SLC6A12: variants seen among roughly 807,000 people sequenced by gnomAD.
SLC6A12 encodes the protein sodium- and chloride-dependent betaine transporter.
SLC6A12 carries 50 observed loss-of-function variants against 73.3 expected under a neutral mutation model. The ratio of observed to expected loss-of-function variants is 0.68; its 90% CI spans 0.54 to 0.86. The LOEUF (loss-of-function observed/expected upper bound fraction) is 0.86. Ranked by LOEUF, SLC6A12 falls within the 40% of genes least tolerant of loss-of-function variation. The pLI is 0.00. For missense variants in SLC6A12, 648 were observed against 772.8 expected, an observed-to-expected ratio of 0.84 and a Z score of 1.92; for synonymous variants, 304 against 309.2, an observed-to-expected ratio of 0.98 and a Z score of 0.18.
chr12:204,961 A>C, intron 3 of SLC6A12: 1 of 422,000 alleles, frequency 2.4e-6, no homozygotes, highest in East Asian at 3.9e-5. Flanking sequence ...GGAAATTCTA[A>C]TATATGCACT....
At chr12:194,974 C>T (rs1262092650) in intron 13 of SLC6A12, among the ~76,000 whole-genome samples, 2 of 152,234 alleles carry the variant, frequency 1.3e-5, no homozygotes, top group Non-Finnish European at 2.9e-5. Flanking sequence ...GCGCTGTGCA[C>T]TGTTATTGAT....
intron 7 of SLC6A12, among the ~76,000 whole-genome samples, chr12:200,333 C>A (rs538346572): frequency 1.3e-5 from 2 of 151,922 alleles, no homozygotes; most frequent in Non-Finnish European, 2.9e-5. Context: ...TGGTCTCGAT[C>A]TCCTGACCTC....
chr12:200,855 C>A (rs903056105), intron 6 of SLC6A12, 72 bp from the exon 7 acceptor site: 6 of 1,509,556 alleles, frequency 4.0e-6, no homozygotes, highest in Admixed American at 3.6e-5. Context: ...CAGCAAGTCT[C>A]CTGATTCTCA....
intron 13 of SLC6A12, chr12:194,007 C>A (rs544851457): frequency 1.2e-3 from 177 of 152,322 alleles, no homozygotes; most frequent in African/African-American, 3.8e-3. Context: ...TTCTAAGAAG[C>A]AAAGAATCAC....
Position 210,219 on chromosome 12 carries a change from T to G in SLC6A12, c.-57-176A>C, listed in dbSNP as rs1466600543. 2.6e-6 allele frequency: 3 copies of G among 1,166,388 alleles called. No homozygotes were observed. The African/African-American group carries it at 4.7e-5, about 18-fold the overall frequency. 72.3% of individuals were successfully genotyped at this position (1,166,388 alleles called of 1,614,324 possible). ...TAAGAGCAAACCTTAGTTTTCTGAG[T>G]TTGCAGATGAGGAAATCCAGGCCTT... On this transcript the variant is annotated intron_variant, in intron 2 of 15. Coordinates refer to ENST00000684302, the MANE Select transcript of SLC6A12 (RefSeq NM_001122848.3).
At chr12:196,919 G>A (rs375962293) in intron 10 of SLC6A12, 37 bp from the exon 11 acceptor site, 6 of 1,476,108 alleles carry the variant, frequency 4.1e-6, no homozygotes, top group Non-Finnish European at 5.7e-6. Context: ...AGGCTCCAGG[G>A]CGTGTGCTGC....
chr12:209,132 C>T (rs558012099), intron 3 of SLC6A12, among the ~76,000 whole-genome samples: 1 of 152,004 alleles, frequency 6.6e-6, no homozygotes, highest in South Asian at 2.1e-4. Context: ...CTTCCACCCC[C>T]AGGACCTTGG....
intron 13 of SLC6A12, 134 bp downstream of exon 13, chr12:195,091 A>C (rs1195018649): frequency 3.0e-6 from 2 of 673,702 alleles, no homozygotes; most frequent in South Asian, 3.7e-5. Flanking sequence ...CAGTAAGAAG[A>C]AGCAGGGCAA....
intron 7 of SLC6A12, among the ~76,000 whole-genome samples, chr12:200,390 G>T (rs1354603892): frequency 6.6e-6 from 1 of 152,164 alleles, no homozygotes; most frequent in African/African-American, 2.4e-5. Flanking sequence ...TTACAGGCGT[G>T]AGCCACTGCA....
At chr12:184,269 A>T in the SLC6A12 span, among the ~76,000 whole-genome samples, 12,106 of 152,238 alleles carry the variant, frequency 0.08, 1,088 homozygotes, top group African/African-American at 0.22. Context: ...GTTGATTTGA[A>T]AAAAACCTAT....
At chr12:194,496 C>A (rs1224791032) in intron 13 of SLC6A12, among the ~76,000 whole-genome samples, 1 of 152,246 alleles carries the variant, frequency 6.6e-6, no homozygotes, top group African/African-American at 2.4e-5. Flanking sequence ...GGCTTCTCCG[C>A]TTGCTACGTG....
intron 13 of SLC6A12, among the ~76,000 whole-genome samples, chr12:194,916 T>C (rs1167133467): frequency 6.6e-6 from 1 of 152,208 alleles, no homozygotes; most frequent in Non-Finnish European, 1.5e-5. Context: ...CTGACTAAGA[T>C]TCCCAGTGGC....
chr12:190,236 C>T lies in SLC6A12; in HGVS notation c.*832G>A, dbSNP rs1344554359. The T allele has an allele frequency of 6.6e-6, 1 of 152,226 alleles. No individual in the cohort carries two copies. The highest frequency in any genetic ancestry group is 6.5e-5 in the Admixed American group (1 of 15,282). 9.4% of individuals were successfully genotyped at this position (152,226 alleles called of 1,614,324 possible). ...AAAAGTCCCTTTGTCTCTTTGGTCTCCAGGTTCCTCATCCATGAAGTCAGG... is the reference window on the plus strand; with the variant it reads ...AAAAGTCCCTTTGTCTCTTTGGTCTTCAGGTTCCTCATCCATGAAGTCAGG... On this transcript the variant is annotated 3_prime_UTR_variant, in exon 16 of 16. Transcript: ENST00000684302.
intron 6 of SLC6A12, chr12:201,501 G>A (rs929265999): frequency 4.2e-6 from 2 of 475,678 alleles, no homozygotes; most frequent in African/African-American, 3.9e-5. Context: ...CTGGACATGT[G>A]TGGGCAGACA....
At position 201,815 on chromosome 12, in the gene SLC6A12, G is replaced by C. The variant is rs752962783; in HGVS notation, c.525C>G (p.Ala175=). 6.2e-7 allele frequency: 1 copy of C among 1,614,076 alleles called. No individual in the cohort carries two copies. The highest frequency in any genetic ancestry group is 8.5e-7 in the Non-Finnish European group (1 of 1,179,980). Residue 175 remains alanine, a synonymous_variant, in exon 6 of 16, where the codon GCC becomes GCG. Coordinates refer to ENST00000684302, the MANE Select transcript of SLC6A12 (RefSeq NM_001122848.3). ...HCTDFLNHSG[A]GTVTPFENFT... ...AATTCTCAAATGGGGTCACTGTGCC[G>C]GCTCCTGAGTGGTTCAGAAAGTCCG...
In SLC6A12 at chr12:201,607, C is replaced by T. The variant is rs116775938; in HGVS notation, c.578+155G>A. On this transcript the variant is annotated intron_variant, in intron 6 of 15. Transcript: ENST00000684302. ...GTGGGTAGATGTGAGAGCGTTCTCC[C>T]CTGCCTCAGTGATGTGTGGGGTTGG... The T allele has an allele frequency of 2.8e-3, 1,785 of 647,256 alleles. 25 individuals are homozygous for T. The African/African-American group carries it at 0.028, about 10-fold the overall frequency. The allele number at this position is 647,256 out of a possible 1,614,324, so 40.1% of individuals were successfully genotyped here.
intron 4 of SLC6A12, chr12:204,245 G>C (rs952364398): frequency 9.0e-6 from 3 of 334,394 alleles, no homozygotes. Context: ...TAGAGCCATA[G>C]GTAAGCCAAG....
chr12:197,494 T>G lies in SLC6A12; in HGVS notation c.958A>C (p.Ile320Leu). The G allele has an allele frequency of 6.2e-7, 1 of 1,613,060 alleles. No homozygotes were observed. Among genetic ancestry groups the G allele is most frequent in the Non-Finnish European group, 8.5e-7 (1 of 1,179,564 alleles). Residue 320 changes from isoleucine to leucine, a missense_variant, in exon 10 of 16, where the codon ATC (isoleucine) becomes CTC (leucine). Physicochemically the swap from Ile to Leu is conservative, Grantham distance 5 (BLOSUM62 2). Transcript: ENST00000684302. ...GCACTGTTCAGGAAGCAGAGGGCGA[T>G]GCAGTCCCTGTGGGAGTGGGGCAAG... The part of the protein sequence containing the change: ...KYHNNCYKDC[I>L]ALCFLNSATS...
Position 197,359 on chromosome 12 carries a change from C to A in SLC6A12, c.1075+18G>T, listed in dbSNP as rs377020459. Reference sequence around the variant, plus strand: ...ACTCTCCTTCCCCTCAGGCCCCAGACAGCAAAGTGGCACCTACCTGACTCG... The same window carrying A: ...ACTCTCCTTCCCCTCAGGCCCCAGAAAGCAAAGTGGCACCTACCTGACTCG... On this transcript the variant is annotated intron_variant, in intron 10 of 15. Coordinates refer to ENST00000684302, the MANE Select transcript of SLC6A12 (RefSeq NM_001122848.3). 4 of 1,609,102 alleles carry A rather than the reference C, an allele frequency of 2.5e-6. No individual in the cohort carries two copies. In the African/African-American group the frequency reaches 5.3e-5, roughly 22 times the overall value.
Sources: allele counts gnomAD v4.1 joint callset (sites outside exome capture counted in the v4.1 genomes callset), GRCh38; gene constraint gnomAD v4.1.1; transcripts MANE v1.5; gene names NCBI Gene and HGNC (gene_info 2026-07-23, HGNC 2026-07-21).